KCNK10: variants seen among roughly 807,000 people sequenced by gnomAD.
KCNK10 encodes potassium two pore domain channel subfamily K member 10, also known as potassium channel subfamily K member 10.
Under a neutral mutation model 47.7 loss-of-function variants are expected in KCNK10, and 25 were observed. That is an observed-to-expected ratio of 0.52 (90% CI 0.38 to 0.73). KCNK10 has a LOEUF of 0.73. Ranked by LOEUF, KCNK10 falls within the 30% of genes least tolerant of loss-of-function variation. The pLI, the probability that KCNK10 is intolerant of heterozygous loss-of-function variation, is 0.00. For missense variants in KCNK10, 563 were observed against 714.5 expected, an observed-to-expected ratio of 0.79 and a Z score of 2.42; for synonymous variants, 303 against 285.6, an observed-to-expected ratio of 1.06 and a Z score of -0.61.
At chr14:88,225,369 TGCTGCAAGGA>T (rs1885949637) in intron 4 of KCNK10, among the ~76,000 whole-genome samples, 1 of 152,030 alleles carries the variant, frequency 6.6e-6, no homozygotes, top group Non-Finnish European at 1.5e-5. Context: ...TCTTTGATGG[TGCTGCAAGGA>T]GCTGAGTGGA....
At chr14:88,304,618 T>C (rs1888170258) in intron 1 of KCNK10, among the ~76,000 whole-genome samples, 2 of 152,234 alleles carry the variant, frequency 1.3e-5, no homozygotes, top group Non-Finnish European at 1.5e-5. Context: ...CTAGTGTCCA[T>C]TCTGTGATCT....
chr14:88,196,420 A>G (rs890200847), intron 4 of KCNK10, among the ~76,000 whole-genome samples: 24 of 152,182 alleles, frequency 1.6e-4, no homozygotes, highest in Non-Finnish European at 1.5e-5. Flanking sequence ...CTCATTAAGC[A>G]TAATTCTCTG....
At chr14:88,271,918 AG>A (rs1405734349) in intron 1 of KCNK10, among the ~76,000 whole-genome samples, 1 of 150,698 alleles carries the variant, frequency 6.6e-6, no homozygotes, top group African/African-American at 2.4e-5. Context: ...TATAAACCAA[AG>A]GTATGGCAAA....
At position 88,184,324 on chromosome 14, in the gene KCNK10, A is replaced by G. The variant is rs1884468369; in HGVS notation, c.*1211T>C. On this transcript the variant is annotated 3_prime_UTR_variant, in exon 7 of 7. Coordinates refer to ENST00000319231, the MANE Select transcript of KCNK10 (RefSeq NM_138317.3). ...CTTTTTCAGAATAAAGGAATGCCCA[A>G]ACATAAAAGTAAAATGAAATATTTT... 6.6e-6 allele frequency: 1 copy of G among 152,366 alleles called. No homozygotes were observed. The highest frequency in any genetic ancestry group is 1.5e-5 in the Non-Finnish European group (1 of 68,042). The allele number at this position is 152,366 out of a possible 1,614,324, so 9.4% of individuals were successfully genotyped here. A position where few individuals can be genotyped will look rare whatever the true frequency, so the allele number is the denominator to read the frequency against.
chr14:88,235,171 G>C lies in KCNK10; in HGVS notation c.520+5532C>G, dbSNP rs749213736. The C allele has an allele frequency of 2.6e-5, 12 of 456,578 alleles. No individual in the cohort carries two copies. In the East Asian group the frequency reaches 8.3e-4, roughly 32 times the overall value. The allele number at this position is 456,578 out of a possible 1,614,324, so 28.3% of individuals were successfully genotyped here. Reference sequence around the variant, plus strand: ...ACACTCTGTCACAGAAATGAAGAGAGTTAGGATGTGCTGTCTGGAAGGTGG... The same window carrying C: ...ACACTCTGTCACAGAAATGAAGAGACTTAGGATGTGCTGTCTGGAAGGTGG... On this transcript the variant is annotated intron_variant, in intron 3 of 6. Transcript: ENST00000319231.
Position 88,263,280 on chromosome 14 carries a change from A to G in KCNK10, c.324T>C (p.Asn108=). Residue 108 remains asparagine (N), a synonymous_variant, in exon 2 of 7, where the codon AAT becomes AAC. Transcript: ENST00000319231. The part of the protein sequence containing the change: ...LEQPFESSQK[N]TIALEKAEFL... ...ATTCCGCCTTCTCCAAGGCGATGGT[A>G]TTCTTCTGGCTGCTCTCAAAGGGCT... The G allele has an allele frequency of 1.2e-6, 2 of 1,614,172 alleles. No homozygotes were observed. The highest frequency in any genetic ancestry group is 4.5e-5 in the East Asian group (2 of 44,884).
At chr14:88,321,153 T>TTCAGTTCATCATATACACATACC (rs1299959106) in intron 1 of KCNK10, among the ~76,000 whole-genome samples, 4 of 152,138 alleles carry the variant, frequency 2.6e-5, no homozygotes, top group African/African-American at 7.2e-5. Context: ...GGAACCTCCT[T>TTCAGTTCATCATATACACATACC]TCAGTTCATC....
chr14:88,185,843 C>G lies in KCNK10; in HGVS notation c.1324G>C (p.Gly442Arg), dbSNP rs142703481. The G allele has an allele frequency of 8.1e-6, 13 of 1,614,118 alleles. No individual in the cohort carries two copies. The highest frequency in any genetic ancestry group is 1.0e-5 in the Non-Finnish European group (12 of 1,180,032). Residue 442 changes from glycine (G) to arginine (R), a missense_variant, in exon 7 of 7, where the codon GGT becomes CGT. Coordinates refer to ENST00000319231, the MANE Select transcript of KCNK10 (RefSeq NM_138317.3). The surrounding 1 kb of genome is among the most constrained non-coding windows in gnomAD (Gnocchi z 4.3). ...TTGATGATGTTGTCCTCGGACGCAC[C>G]CTGCCCATGCTTGTTCAGCTGCTCC... ...GPEQLNKHGQ[G>R]ASEDNIINKF...
At chr14:88,208,487 T>C (rs1595081481) in intron 4 of KCNK10, among the ~76,000 whole-genome samples, 1 of 152,232 alleles carries the variant, frequency 6.6e-6, no homozygotes, top group East Asian at 1.9e-4. Context: ...ATTGAGGCTT[T>C]CTGAAGAGCA....
At chr14:88,307,641 T>A (rs184869826) in intron 1 of KCNK10, among the ~76,000 whole-genome samples, 43 of 152,320 alleles carry the variant, frequency 2.8e-4, no homozygotes, top group Admixed American at 2.0e-3. Context: ...TCTTATTTTT[T>A]AAAAATAGAT....
rs375427678 is a variant in KCNK10 at position 88,298,794 on chromosome 14, T to C, written c.52+23953A>G. 5.9e-5 allele frequency among the ~76,000 whole-genome samples: 9 copies of C among 152,166 alleles called. No homozygotes were observed. The East Asian group carries it at 9.6e-4, about 16-fold the overall frequency. On this transcript the variant is annotated intron_variant, in intron 1 of 6. Coordinates refer to ENST00000319231, the MANE Select transcript of KCNK10 (RefSeq NM_138317.3). ...CTGATCATCTGTGAAAATAAATCCA[T>C]GTTCAACCTAGCATGTAAGGTATCC...
chr14:88,189,822 A>C (rs1358573951), intron 5 of KCNK10, among the ~76,000 whole-genome samples: 1 of 152,216 alleles, frequency 6.6e-6, no homozygotes, highest in African/African-American at 2.4e-5. Context: ...TATCACTCGC[A>C]GACTGTTACC....
At chr14:88,206,675 G>T (rs910909183) in intron 4 of KCNK10, among the ~76,000 whole-genome samples, 2 of 152,204 alleles carry the variant, frequency 1.3e-5, no homozygotes, top group Non-Finnish European at 2.9e-5. Context: ...TCTACGTATA[G>T]ATGCCAAGAC....
chr14:88,305,582 C>T lies in KCNK10; in HGVS notation c.52+17165G>A, dbSNP rs113499586. Reference sequence around the variant, plus strand: ...TAGCCTGCCTGAGAGGTTGAGCATCCCCTCACTCCCACCATCAAAGCTAAC... The same window carrying T: ...TAGCCTGCCTGAGAGGTTGAGCATCTCCTCACTCCCACCATCAAAGCTAAC... On this transcript the variant is annotated intron_variant, in intron 1 of 6. Transcript: ENST00000319231. Among the ~76,000 whole-genome samples, 664 of 152,170 alleles carry T rather than the reference C, an allele frequency of 4.4e-3. 2 individuals carry two copies. The highest frequency in any genetic ancestry group is 0.01 in the Middle Eastern group (3 of 294).
At chr14:88,198,696 A>C (rs1180544457) in intron 4 of KCNK10, among the ~76,000 whole-genome samples, 1 of 151,852 alleles carries the variant, frequency 6.6e-6, no homozygotes, top group East Asian at 1.9e-4. Flanking sequence ...ACACATGGCC[A>C]CTCAACTCTT....
intron 1 of KCNK10, among the ~76,000 whole-genome samples, chr14:88,311,544 G>C (rs3850388): frequency 6.6e-6 from 1 of 152,038 alleles, no homozygotes; most frequent in East Asian, 1.9e-4. Context: ...AAATCTCATG[G>C]TCTATACCAG....
intron 5 of KCNK10, among the ~76,000 whole-genome samples, chr14:88,191,154 G>A (rs930044856): frequency 2.8e-4 from 43 of 152,052 alleles, no homozygotes; most frequent in African/African-American, 9.9e-4. Flanking sequence ...GGAGGCTGAG[G>A]TGGGATGATC....
intron 1 of KCNK10, among the ~76,000 whole-genome samples, chr14:88,271,615 T>A (rs1263663527): frequency 2.6e-5 from 4 of 152,140 alleles, no homozygotes; most frequent in African/African-American, 7.2e-5. Context: ...AAAATACTTG[T>A]GAGATTTTAA....
chr14:88,240,953 A>G (rs1886445912), intron 2 of KCNK10, 133 bp from the exon 3 acceptor site: 1 of 569,710 alleles, frequency 1.8e-6, no homozygotes. Context: ...GAACTGGTTA[A>G]GTGGATGATG....
Sources: allele counts gnomAD v4.1 joint callset (sites outside exome capture counted in the v4.1 genomes callset), GRCh38; gene constraint gnomAD v4.1.1; non-coding constraint Gnocchi (gnomAD v3.1); transcripts MANE v1.5; gene names NCBI Gene and HGNC (gene_info 2026-07-23, HGNC 2026-07-21).